ADGRV1: variants seen among roughly 807,000 people sequenced by gnomAD.
ADGRV1 encodes the protein G-protein coupled receptor 98.
ADGRV1 carries 359 observed loss-of-function variants against 596.2 expected under a neutral mutation model. That is an observed-to-expected ratio of 0.60 (90% CI 0.55 to 0.66). The LOEUF is 0.66. ADGRV1 is among the 30% of genes least tolerant of loss of function. The pLI, the probability that ADGRV1 is intolerant of heterozygous loss-of-function variation, is 0.00. For missense variants in ADGRV1, 7,274 were observed against 7,575.6 expected (o/e 0.96, Z 1.48); for synonymous variants, 2,681 against 2,679.2 (o/e 1.00, Z -0.02).
At chr5:91,005,376 A>AT (rs1245596657) in intron 85 of ADGRV1, among the ~76,000 whole-genome samples, 63 of 146,870 alleles carry the variant, frequency 4.3e-4, no homozygotes, top group African/African-American at 1.5e-3. Flanking sequence ...ATATATATAT[A>AT]TATTTTTTTG....
intron 50 of ADGRV1, among the ~76,000 whole-genome samples, chr5:90,734,888 G>T (rs114802890): frequency 1.4e-3 from 208 of 152,214 alleles, no homozygotes; most frequent in African/African-American, 4.8e-3. Flanking sequence ...TTGTTTCCTT[G>T]CTATTGAGTT....
chr5:91,091,697 G>A (rs1035716524), intron 86 of ADGRV1: 2 of 152,048 alleles, frequency 1.3e-5, no homozygotes, highest in East Asian at 3.9e-4. Flanking sequence ...AGAGGTGAAT[G>A]GTGTAGATTT....
In ADGRV1 at chr5:90,759,468, G is replaced by A. The variant is rs777926610; in HGVS notation, c.12000G>A (p.Thr4000=). ...IDDAEFELTE[T]FNISLISVAG... ...ATGCTGAATTTGAATTGACAGAGACGTTCAATATTTCCTTGATCAGTGTTG... is the reference window on the plus strand; with the variant it reads ...ATGCTGAATTTGAATTGACAGAGACATTCAATATTTCCTTGATCAGTGTTG... Residue 4000 remains threonine, a synonymous_variant, in exon 58 of 90, where the codon ACG becomes ACA. Transcript: ENST00000405460. 5.6e-6 allele frequency: 9 copies of A among 1,603,932 alleles called. No individual in the cohort carries two copies. The highest frequency in any genetic ancestry group is 2.7e-5 in the African/African-American group (2 of 74,946).
intron 83 of ADGRV1, among the ~76,000 whole-genome samples, chr5:90,935,443 C>T (rs534315716): frequency 1.3e-5 from 2 of 152,174 alleles, no homozygotes; most frequent in African/African-American, 4.8e-5. Flanking sequence ...ACCTCCTAGA[C>T]CCTGACTGGT....
Position 90,789,847 on chromosome 5 carries a change from T to G in ADGRV1, c.14039T>G (p.Ile4680Ser), listed in dbSNP as rs2150129723. Residue 4680 changes from isoleucine (I) to serine (S), a missense_variant, in exon 69 of 90, where the codon ATT becomes AGT. Physicochemically the swap from Ile to Ser is moderately radical, Grantham distance 142. This residue lies in a region of ADGRV1 where 1,874 missense variants were observed against 1,970.2 expected (regional missense o/e 0.95). Coordinates refer to ENST00000405460, the MANE Select transcript of ADGRV1 (RefSeq NM_032119.4). Reference sequence around the variant, plus strand: ...AGAGTCAAGGGCACCTTTGGAGAGATTATGGTATTACTTTTCATTTGATTT... The same window carrying G: ...AGAGTCAAGGGCACCTTTGGAGAGAGTATGGTATTACTTTTCATTTGATTT... ...VRRVKGTFGE[I>S]MVYWELSSEF... is the part of the protein sequence containing the mutation. 7.2e-7 allele frequency: 1 copy of G among 1,393,764 alleles called. No individual in the cohort carries two copies. Among genetic ancestry groups the G allele is most frequent in the Non-Finnish European group, 9.4e-7 (1 of 1,061,254 alleles). 86.3% of individuals were successfully genotyped at this position (1,393,764 alleles called of 1,614,324 possible).
intron 85 of ADGRV1, among the ~76,000 whole-genome samples, chr5:91,060,751 G>A (rs760888663): frequency 6.6e-6 from 1 of 152,198 alleles, no homozygotes; most frequent in Non-Finnish European, 1.5e-5. Context: ...GTGACTGAAT[G>A]TTCACCCCTG....
chr5:90,663,216 A>C (rs1269615698), intron 21 of ADGRV1, among the ~76,000 whole-genome samples: 4 of 144,024 alleles, frequency 2.8e-5, no homozygotes, highest in Non-Finnish European at 4.5e-5. Flanking sequence ...GAACTAGTTT[A>C]CAGTCCCACC....
Position 90,936,898 on chromosome 5 carries a change from C to G in ADGRV1, c.17857-28517C>G, listed in dbSNP as rs139428938. ...AAAAAATGTAATATGTCTAAAATGT[C>G]TTTATTTTGCCTGCAATCTTGCATA... On this transcript the variant is annotated intron_variant, in intron 83 of 89. Transcript: ENST00000405460. Among the ~76,000 whole-genome samples the G allele has an allele frequency of 2.4e-3, 369 of 152,052 alleles. 1 individual carries two copies. The highest frequency in any genetic ancestry group is 4.6e-3 in the Non-Finnish European group (315 of 67,942).
At chr5:90,710,507 A>T (rs768729407) in intron 39 of ADGRV1, among the ~76,000 whole-genome samples, 4 of 151,880 alleles carry the variant, frequency 2.6e-5, no homozygotes, top group Non-Finnish European at 5.9e-5. Context: ...ATGTGTCTCT[A>T]CTTCTGTTTG....
intron 1 of ADGRV1, among the ~76,000 whole-genome samples, chr5:90,569,387 A>ATTTTTT (rs869133714): frequency 1.8e-4 from 3 of 16,374 alleles, no homozygotes; most frequent in African/African-American, 5.2e-4. Flanking sequence ...ATATATATAT[A>ATTTTTT]TTTTTTTTTT....
chr5:90,778,852 G>T lies in ADGRV1; in HGVS notation c.12850-13G>T. The T allele has an allele frequency of 6.3e-7, 1 of 1,589,834 alleles. No individual in the cohort carries two copies. Among genetic ancestry groups the T allele is most frequent in the Non-Finnish European group, 8.6e-7 (1 of 1,162,336 alleles). On this transcript the variant is annotated splice_polypyrimidine_tract_variant and intron_variant, in intron 63 of 89. Transcript: ENST00000405460. ...AAACATCCAAATCAAATAAGAAAAT[G>T]CATTTTGCATAGGTTAACATCACAA...
intron 70 of ADGRV1, among the ~76,000 whole-genome samples, chr5:90,794,401 C>G (rs979465422): frequency 2.6e-5 from 4 of 152,154 alleles, no homozygotes; most frequent in Non-Finnish European, 5.9e-5. Context: ...GCTAAAGAAA[C>G]AAGCCTAGGC....
intron 1 of ADGRV1, among the ~76,000 whole-genome samples, chr5:90,570,794 A>G (rs1350701305): frequency 2.0e-5 from 3 of 151,760 alleles, no homozygotes; most frequent in East Asian, 3.9e-4. Flanking sequence ...TCTTTTTGAT[A>G]TCATTCATTT....
Position 90,783,230 on chromosome 5 carries a change from AG to A in ADGRV1, c.13340del (p.Gly4447ValfsTer19). 1 of 1,613,626 alleles carries A rather than the reference AG, an allele frequency of 6.2e-7. No individual in the cohort carries two copies. The highest frequency in any genetic ancestry group is 2.2e-5 in the East Asian group (1 of 44,874). ...ISQSSSASPGGVDYILHGSTV... is the reference protein window; with the variant it reads ...ISQSSSASPGXVDYILHGSTV... ...CTCAGAGCTCCTCTGCCAGTCCCGG[AG>A]GTGTTGATTACATTTTGCATGGCAG... On this transcript the variant is annotated frameshift_variant, in exon 66 of 90. Transcript: ENST00000405460. LOFTEE classifies it high-confidence loss of function.
At chr5:90,974,732 A>C (rs951821698) in intron 84 of ADGRV1, among the ~76,000 whole-genome samples, 147 of 152,338 alleles carry the variant, frequency 9.6e-4, no homozygotes, top group African/African-American at 3.3e-3. Flanking sequence ...TATTAGACCT[A>C]AAACCATAAA....
chr5:90,765,061 C>G (rs1467927350), intron 59 of ADGRV1, among the ~76,000 whole-genome samples: 1 of 152,110 alleles, frequency 6.6e-6, no homozygotes, highest in Non-Finnish European at 1.5e-5. Flanking sequence ...GGGTCAATCT[C>G]TGTGGACTCT....
intron 85 of ADGRV1, among the ~76,000 whole-genome samples, chr5:91,052,635 C>T (rs1424275008): frequency 7.9e-5 from 12 of 152,008 alleles, no homozygotes; most frequent in African/African-American, 2.9e-4. Context: ...GGTCTCACCA[C>T]CTTGGTCAGG....
intron 87 of ADGRV1, among the ~76,000 whole-genome samples, chr5:91,128,130 G>A (rs892051380): frequency 1.3e-5 from 2 of 151,416 alleles, no homozygotes; most frequent in Non-Finnish European, 2.9e-5. Flanking sequence ...CTTTCTGCTT[G>A]TCTTTTTAAA....
At chr5:90,650,897 T>C (rs1379686145) in intron 17 of ADGRV1, among the ~76,000 whole-genome samples, 1 of 151,930 alleles carries the variant, frequency 6.6e-6, no homozygotes, top group African/African-American at 2.4e-5. Context: ...ATAAGTTAGG[T>C]GAGTGAAGAT....
Sources: gnomAD v4.1 joint callset for allele counts (sites outside exome capture counted in the v4.1 genomes callset) on GRCh38, gnomAD v4.1.1 for gene constraint, gnomAD v4.1.1 regional missense constraint, MANE v1.5 for transcripts, NCBI Gene and HGNC (gene_info 2026-07-23, HGNC 2026-07-21) for gene names.